N4BP2: variants seen among roughly 807,000 people sequenced by gnomAD.
N4BP2 encodes NEDD4 binding protein 2.
In N4BP2, 91 loss-of-function variants were observed where a neutral mutation model predicts 152.8. The observed-to-expected ratio is 0.60, with a 90% confidence interval of 0.50 to 0.71. N4BP2 has a LOEUF of 0.71. Ranked by LOEUF, N4BP2 falls within the 30% of genes least tolerant of loss-of-function variation. The pLI is 0.00. For synonymous variants in N4BP2, 646 were observed against 705.3 expected (o/e 0.92, Z 1.33); for missense variants, 1,923 against 2,059.1 (o/e 0.93, Z 1.28).
intron 1 of N4BP2, among the ~76,000 whole-genome samples, chr4:40,067,250 A>T (rs535411062): frequency 2.0e-5 from 3 of 151,588 alleles, no homozygotes; most frequent in Non-Finnish European, 4.4e-5. Flanking sequence ...AGGTTTTGCC[A>T]TGTTGCCCGG....
intron 1 of N4BP2, among the ~76,000 whole-genome samples, chr4:40,065,459 A>G (rs1733971462): frequency 6.6e-6 from 1 of 152,176 alleles, no homozygotes; most frequent in African/African-American, 2.4e-5. Context: ...TTAGGAACAG[A>G]ACCTTAGCGA....
chr4:40,118,392 A>G (rs1227173651), intron 8 of N4BP2, among the ~76,000 whole-genome samples: 1 of 152,182 alleles, frequency 6.6e-6, no homozygotes, highest in Non-Finnish European at 1.5e-5. Context: ...AGATTGCGCC[A>G]TTGCATTCCA....
the N4BP2 span, among the ~76,000 whole-genome samples, chr4:40,164,936 T>C: frequency 1.3e-5 from 2 of 152,230 alleles, no homozygotes; most frequent in African/African-American, 2.4e-5. Flanking sequence ...ATCTCTTTGC[T>C]GAGCTGTAGA....
the N4BP2 span, among the ~76,000 whole-genome samples, chr4:40,171,686 C>T: frequency 6.6e-6 from 1 of 152,066 alleles, no homozygotes; most frequent in African/African-American, 2.4e-5. Flanking sequence ...GGAGTATTGA[C>T]TCATATGATC....
At chr4:40,147,280 G>C (rs1010879718) in intron 16 of N4BP2, among the ~76,000 whole-genome samples, 1 of 152,120 alleles carries the variant, frequency 6.6e-6, no homozygotes, top group African/African-American at 2.4e-5. Context: ...TCTTAGTACA[G>C]AACAAAATGA....
At chr4:40,124,331 GTTTT>G in intron 11 of N4BP2, 126 bp downstream of exon 11, 1 of 501,086 alleles carries the variant, frequency 2.0e-6, no homozygotes, top group East Asian at 3.8e-5. Context: ...GCAAATAAAA[GTTTT>G]ATTTATTTAT....
the N4BP2 span, chr4:40,166,867 C>G: frequency 1.1e-4 from 17 of 152,228 alleles, no homozygotes; most frequent in African/African-American, 3.6e-4. Context: ...AGCATTTATC[C>G]TTTGTGTTAC....
chr4:40,072,242 ATTTTTTT>A (rs34754962), intron 1 of N4BP2, among the ~76,000 whole-genome samples: 11 of 117,558 alleles, frequency 9.4e-5, no homozygotes, highest in African/African-American at 1.6e-4. Context: ...TGCCTGGCTA[ATTTTTTT>A]TTTTTTTTTT....
intron 2 of N4BP2, among the ~76,000 whole-genome samples, chr4:40,080,003 G>C (rs1371639490): frequency 6.6e-6 from 1 of 151,896 alleles, no homozygotes; most frequent in Admixed American, 6.6e-5. Flanking sequence ...GGATATATTT[G>C]TTTTTACATT....
rs192919325 is a variant in N4BP2, at chr4:40,067,385, T to G, written c.-211-6070T>G. 8.6e-5 allele frequency among the ~76,000 whole-genome samples: 13 copies of G among 152,006 alleles called. No individual in the cohort carries two copies. The East Asian group carries it at 2.3e-3, about 27-fold the overall frequency. Reference sequence around the variant, plus strand: ...TTTTTTTTTTTAAGGCTGAATAATATTCCATTGTATGTATGTACCACATTT... The same window carrying G: ...TTTTTTTTTTTAAGGCTGAATAATAGTCCATTGTATGTATGTACCACATTT... On this transcript the variant is annotated intron_variant, in intron 1 of 17. Coordinates refer to ENST00000261435, the MANE Select transcript of N4BP2 (RefSeq NM_018177.6).
the N4BP2 span, among the ~76,000 whole-genome samples, chr4:40,178,367 A>T: frequency 6.6e-6 from 1 of 152,162 alleles, no homozygotes; most frequent in South Asian, 2.1e-4. Flanking sequence ...TTCCTTTAAG[A>T]TATATAAATG....
the N4BP2 span, among the ~76,000 whole-genome samples, chr4:40,183,190 T>A: frequency 3.9e-5 from 6 of 152,286 alleles, no homozygotes; most frequent in South Asian, 2.1e-4. Flanking sequence ...ATCATGAGCA[T>A]CTCCTTATGT....
At chr4:40,148,974 G>A (rs1720883623) in intron 16 of N4BP2, among the ~76,000 whole-genome samples, 1 of 152,162 alleles carries the variant, frequency 6.6e-6, no homozygotes, top group South Asian at 2.1e-4. Context: ...GAAATGGAAA[G>A]TAATCAGTAT....
the N4BP2 span, among the ~76,000 whole-genome samples, chr4:40,174,509 A>T: frequency 3.9e-5 from 6 of 152,028 alleles, no homozygotes; most frequent in East Asian, 1.9e-4. Context: ...AGAATGGATT[A>T]AAAAAACTGC....
At chr4:40,115,929 T>C (rs1396451674) in intron 7 of N4BP2, among the ~76,000 whole-genome samples, 1 of 152,226 alleles carries the variant, frequency 6.6e-6, no homozygotes, top group African/African-American at 2.4e-5. Flanking sequence ...TTGTGGTTTC[T>C]CCTTATAATT....
At chr4:40,063,861 T>C (rs1005381133) in intron 1 of N4BP2, among the ~76,000 whole-genome samples, 10 of 152,082 alleles carry the variant, frequency 6.6e-5, no homozygotes, top group Non-Finnish European at 1.5e-4. Flanking sequence ...GCCAGGTTGG[T>C]CTTGAACTCC....
chr4:40,058,674 G>T (rs546186633), intron 1 of N4BP2, among the ~76,000 whole-genome samples: 6 of 152,176 alleles, frequency 3.9e-5, no homozygotes, highest in Non-Finnish European at 8.8e-5. Flanking sequence ...TTAAGTTATG[G>T]TAGAGGCATG....
chr4:40,137,265 A>AT (rs1354884404), intron 14 of N4BP2, among the ~76,000 whole-genome samples, 183 bp downstream of exon 14: 1 of 152,160 alleles, frequency 6.6e-6, no homozygotes, highest in East Asian at 1.9e-4. Flanking sequence ...TTTATAGCTG[A>AT]TTTTTTCCTT....
chr4:40,092,403 C>T (rs1429486951), intron 2 of N4BP2, among the ~76,000 whole-genome samples: 1 of 151,518 alleles, frequency 6.6e-6, no homozygotes, highest in Admixed American at 6.6e-5. Flanking sequence ...TGGTCCATTT[C>T]ATATAAATTG....
Sources: gnomAD v4.1 joint callset for allele counts (sites outside exome capture counted in the v4.1 genomes callset) on GRCh38, gnomAD v4.1.1 for gene constraint, MANE v1.5 for transcripts, NCBI Gene and HGNC (gene_info 2026-07-23, HGNC 2026-07-21) for gene names.